CSMD1: variants seen among roughly 807,000 people sequenced by gnomAD.
The protein encoded by CSMD1 is CUB and Sushi multiple domains 1.
In CSMD1, 213 loss-of-function variants were observed where a neutral mutation model predicts 417.5. That is an observed-to-expected ratio of 0.51 (90% CI 0.46 to 0.57). CSMD1 has a LOEUF of 0.57. CSMD1 is among the 20% of genes least tolerant of loss of function. The pLI, the probability that CSMD1 is intolerant of heterozygous loss-of-function variation, is 0.00. For synonymous variants in CSMD1, 2,862 were observed against 1,736.8 expected, an observed-to-expected ratio of 1.65 and a Z score of -16.11; for missense variants, 6,923 against 4,529.7, an observed-to-expected ratio of 1.53 and a Z score of -15.17.
intron 3 of CSMD1, among the ~76,000 whole-genome samples, chr8:4,043,504 C>G (rs1435559924): frequency 6.6e-6 from 1 of 152,098 alleles, no homozygotes; most frequent in Non-Finnish European, 1.5e-5. Context: ...ATTTTAAATA[C>G]AAACAGACAA....
chr8:4,239,118 G>A (rs750432504), intron 3 of CSMD1, among the ~76,000 whole-genome samples: 1 of 152,070 alleles, frequency 6.6e-6, no homozygotes, highest in East Asian at 1.9e-4. Flanking sequence ...GAGATTATGT[G>A]GGTTAAAACA....
intron 1 of CSMD1, among the ~76,000 whole-genome samples, chr8:4,762,028 TA>T (rs1473090144): frequency 2.0e-5 from 3 of 152,080 alleles, no homozygotes; most frequent in South Asian, 2.1e-4. Flanking sequence ...TTTAATATAT[TA>T]AGACTCAGGA....
intron 5 of CSMD1, among the ~76,000 whole-genome samples, chr8:3,922,845 C>T (rs1347157866): frequency 6.6e-6 from 1 of 151,926 alleles, no homozygotes; most frequent in East Asian, 1.9e-4. Flanking sequence ...TACAACATGG[C>T]CTTCAGATAT....
At chr8:4,425,994 ATACAT>A (rs1165601074) in intron 2 of CSMD1, among the ~76,000 whole-genome samples, 2 of 152,082 alleles carry the variant, frequency 1.3e-5, no homozygotes, top group Non-Finnish European at 2.9e-5. Context: ...TTAAAGAGGT[ATACAT>A]TAAACATTTT....
At chr8:4,195,232 G>C (rs1280610944) in intron 3 of CSMD1, among the ~76,000 whole-genome samples, 1 of 152,140 alleles carries the variant, frequency 6.6e-6, no homozygotes, top group African/African-American at 2.4e-5. Flanking sequence ...ATTTCAGGCA[G>C]ATTTTTTAAT....
intron 3 of CSMD1, among the ~76,000 whole-genome samples, chr8:4,086,706 C>T (rs531516383): frequency 6.6e-6 from 1 of 152,282 alleles, no homozygotes; most frequent in East Asian, 1.9e-4. Flanking sequence ...CTTCAGGTAC[C>T]CAGGTAGATA....
At chr8:3,457,746 G>A (rs1440637861) in intron 12 of CSMD1, among the ~76,000 whole-genome samples, 1 of 152,066 alleles carries the variant, frequency 6.6e-6, no homozygotes, top group African/African-American at 2.4e-5. Flanking sequence ...AAATAATAAA[G>A]GTAATGAGAA....
chr8:4,622,576 G>A (rs967172105), intron 2 of CSMD1, among the ~76,000 whole-genome samples: 19 of 152,144 alleles, frequency 1.2e-4, no homozygotes, highest in Admixed American at 5.9e-4. Context: ...GCTGGCAAAC[G>A]CGACATGTGT....
In CSMD1 at chr8:4,731,338, T is replaced by G. The variant is rs533335421; in HGVS notation, c.86-93780A>C. ...CAGTTTTTGCTCCCACCTCATAAGCTTACCGGCCATTCAGGGACTGGAGCA... is the reference window on the plus strand; with the variant it reads ...CAGTTTTTGCTCCCACCTCATAAGCGTACCGGCCATTCAGGGACTGGAGCA... On this transcript the variant is annotated intron_variant, in intron 1 of 69. Coordinates refer to ENST00000635120, the MANE Select transcript of CSMD1 (RefSeq NM_033225.6). Among the ~76,000 whole-genome samples, 37 of 152,238 alleles carry G rather than the reference T, an allele frequency of 2.4e-4. No homozygotes were observed. In the East Asian group the frequency reaches 7.0e-3, roughly 29 times the overall value.
intron 2 of CSMD1, among the ~76,000 whole-genome samples, chr8:4,467,092 C>T (rs1245492458): frequency 1.6e-5 from 2 of 122,542 alleles, no homozygotes; most frequent in African/African-American, 6.1e-5. Context: ...TTTCAAATTT[C>T]AACTTAGTCT....
chr8:3,152,567 G>C lies in CSMD1; in HGVS notation c.5915-1054C>G, dbSNP rs1041040828. Among the ~76,000 whole-genome samples the C allele has an allele frequency of 5.3e-5, 8 of 152,244 alleles. No individual in the cohort carries two copies. The South Asian group carries it at 6.2e-4, about 12-fold the overall frequency. On this transcript the variant is annotated intron_variant, in intron 39 of 69. Coordinates refer to ENST00000635120, the MANE Select transcript of CSMD1 (RefSeq NM_033225.6). ...CAACTTATTTGTAATTTGAGAAATA[G>C]CTAAAACTTAAGTCTAGTGAATATG... is the stretch of plus-strand genomic sequence containing the variant.
At chr8:3,754,543 C>G (rs10866956) in intron 5 of CSMD1, among the ~76,000 whole-genome samples, 49,428 of 151,892 alleles carry the variant, frequency 0.33, 8,285 homozygotes, top group Non-Finnish European at 0.36. Flanking sequence ...CAAGCTCCGC[C>G]TCCTGGGTTC....
At chr8:3,231,594 T>C (rs111332738) in intron 26 of CSMD1, among the ~76,000 whole-genome samples, 3 of 152,264 alleles carry the variant, frequency 2.0e-5, no homozygotes, top group African/African-American at 4.8e-5. Flanking sequence ...TAAAAAAGAA[T>C]AAGACCTGCT....
intron 5 of CSMD1, among the ~76,000 whole-genome samples, chr8:3,927,295 G>A (rs1320884647): frequency 2.0e-5 from 3 of 151,988 alleles, no homozygotes; most frequent in South Asian, 4.2e-4. Context: ...TAAGGTGCCA[G>A]ACAGCATGAA....
At chr8:4,230,062 C>G (rs934551878) in intron 3 of CSMD1, among the ~76,000 whole-genome samples, 1 of 152,204 alleles carries the variant, frequency 6.6e-6, no homozygotes, top group Admixed American at 6.5e-5. Flanking sequence ...CGTGCGTGCA[C>G]TCAGGTGTGT....
At chr8:3,976,705 T>C (rs1446741021) in intron 5 of CSMD1, among the ~76,000 whole-genome samples, 1 of 152,194 alleles carries the variant, frequency 6.6e-6, no homozygotes, top group Non-Finnish European at 1.5e-5. Context: ...TTATGAACCC[T>C]TTTAATCTCC....
At chr8:3,131,573 G>C (rs2129026736) in intron 41 of CSMD1, among the ~76,000 whole-genome samples, 2 of 151,260 alleles carry the variant, frequency 1.3e-5, no homozygotes, top group South Asian at 4.2e-4. Context: ...CTGGGTTCAA[G>C]CAATTCTCCT....
At position 4,651,416 on chromosome 8, in the gene CSMD1, T is replaced by G. The variant is rs1341630028; in HGVS notation, c.86-13858A>C. Among the ~76,000 whole-genome samples the G allele has an allele frequency of 2.0e-5, 3 of 152,316 alleles. No homozygotes were observed. The East Asian group carries it at 5.8e-4, about 29-fold the overall frequency. Reference sequence around the variant, plus strand: ...CTGTGCTGTTTCTCGGGTCTTCAGCTGGCATCATTTCTAATTTTTTGCACT... The same window carrying G: ...CTGTGCTGTTTCTCGGGTCTTCAGCGGGCATCATTTCTAATTTTTTGCACT... On this transcript the variant is annotated intron_variant, in intron 1 of 69. Coordinates refer to ENST00000635120, the MANE Select transcript of CSMD1 (RefSeq NM_033225.6).
At chr8:4,093,326 G>T (rs186974496) in intron 3 of CSMD1, among the ~76,000 whole-genome samples, 1 of 152,076 alleles carries the variant, frequency 6.6e-6, no homozygotes, top group East Asian at 1.9e-4. Context: ...TAATTTCCAT[G>T]AAGTAAATAC....
Sources: allele counts gnomAD v4.1 joint callset (sites outside exome capture counted in the v4.1 genomes callset), GRCh38; gene constraint gnomAD v4.1.1; transcripts MANE v1.5; gene names NCBI Gene and HGNC (gene_info 2026-07-23, HGNC 2026-07-21).